The following BMP1 variants were observed in gnomAD, a reference collection of about 807,000 sequenced individuals.
The protein encoded by BMP1 is mammalian tolloid protein.
A neutral mutation model predicts 116.8 loss-of-function variants in BMP1; 63 were observed. The observed-to-expected ratio is 0.54, with a 90% CI of 0.44 to 0.67. The LOEUF (loss-of-function observed/expected upper bound fraction) is 0.67. BMP1 is among the 30% of genes least tolerant of loss of function. BMP1 has a pLI of 0.00. For synonymous variants in BMP1, 536 were observed against 533.4 expected, an observed-to-expected ratio of 1.00 and a Z score of -0.07; for missense variants, 1,183 against 1,358.9, an observed-to-expected ratio of 0.87 and a Z score of 2.04.
chr8:22,211,706 A>G lies in BMP1; in HGVS notation c.2939A>G (p.Asp980Gly), dbSNP rs149794757. 3 of 1,614,028 alleles carry G rather than the reference A, an allele frequency of 1.9e-6. No homozygotes were observed. In the African/African-American group the frequency reaches 4.0e-5, roughly 22 times the overall value. Reference protein sequence around the residue: ...HLRYTSTKFQDTLHSRK With the variant: ...HLRYTSTKFQGTLHSRK ...CGATACACCAGCACCAAGTTCCAGG[A>G]CACACTCCACAGCAGGAAGTGACCA... Residue 980 changes from aspartate to glycine, a missense_variant, in exon 20 of 20, where the codon GAC becomes GGC. By Grantham distance (94) the Asp-to-Gly change is moderately conservative. Coordinates refer to ENST00000306385, the MANE Select transcript of BMP1 (RefSeq NM_006129.5).
intron 15 of BMP1, chr8:22,201,381 A>T: frequency 6.9e-7 from 1 of 1,456,914 alleles, no homozygotes; most frequent in South Asian, 1.5e-5. Flanking sequence ...CGGACCGGGG[A>T]CCCTTCCCCG....
intron 9 of BMP1, among the ~76,000 whole-genome samples, chr8:22,193,656 T>C (rs1828996203): frequency 6.6e-6 from 1 of 152,168 alleles, no homozygotes; most frequent in Admixed American, 6.5e-5. Context: ...TGGTGGCAGA[T>C]GCCTGTAGCC....
chr8:22,167,236 AT>A (rs1189021451), intron 1 of BMP1, among the ~76,000 whole-genome samples: 2 of 152,172 alleles, frequency 1.3e-5, no homozygotes, highest in African/African-American at 4.8e-5. Flanking sequence ...AGGGCCTGGA[AT>A]GGATGTTGTG....
chr8:22,189,118 C>T (rs1043896247), intron 8 of BMP1, among the ~76,000 whole-genome samples: 8 of 152,198 alleles, frequency 5.3e-5, no homozygotes, highest in Non-Finnish European at 1.2e-4. Context: ...CTCCCCTTGA[C>T]CCTCCTCCGG....
At chr8:22,182,591 G>T (rs879671183) in intron 8 of BMP1, among the ~76,000 whole-genome samples, 8 of 152,174 alleles carry the variant, frequency 5.3e-5, no homozygotes, top group Non-Finnish European at 1.0e-4. Flanking sequence ...TCCACCCGTT[G>T]ACAAAACCCC....
intron 8 of BMP1, among the ~76,000 whole-genome samples, chr8:22,183,113 C>G (rs973318313): frequency 6.6e-6 from 1 of 150,506 alleles, no homozygotes; most frequent in African/African-American, 2.5e-5. Flanking sequence ...TGTTCTGAAT[C>G]TCACTTAAAA....
chr8:22,209,449 CG>C lies in BMP1; in HGVS notation c.2585del (p.Gly862AlafsTer7). ...GGCCCCTCTTGTCCCCTACAGAGTGCGGGGGCCAGGTACGGGCAGACGTGAA... is the reference window on the plus strand; with the variant it reads ...GGCCCCTCTTGTCCCCTACAGAGTGCGGGGCCAGGTACGGGCAGACGTGAA... Reference protein sequence around the residue: ...GFQASHATECGGQVRADVKTK... With the variant: ...GFQASHATECXGQVRADVKTK... On this transcript the variant is annotated frameshift_variant, in exon 19 of 20. Coordinates refer to ENST00000306385, the MANE Select transcript of BMP1 (RefSeq NM_006129.5). LOFTEE classifies it high-confidence loss of function. 1 of 1,614,024 alleles carries C rather than the reference CG, an allele frequency of 6.2e-7. No homozygotes were observed. Among genetic ancestry groups the C allele is most frequent in the Non-Finnish European group, 8.5e-7 (1 of 1,179,928 alleles).
chr8:22,196,154 T>C (rs763554214), intron 13 of BMP1: 2 of 512,580 alleles, frequency 3.9e-6, no homozygotes, highest in Admixed American at 4.1e-5. Flanking sequence ...CCATCTTGAC[T>C]TGCTAACTGA....
chr8:22,180,623 G>A, intron 8 of BMP1, 140 bp downstream of exon 8: 1 of 697,860 alleles, frequency 1.4e-6, no homozygotes, highest in Non-Finnish European at 2.4e-6. Flanking sequence ...GAGCGCTGAT[G>A]GAGCACGGCT....
rs368585884 is a variant in BMP1 at position 22,172,607 on chromosome 8, CTTT to C, written c.149-974_149-972del. 5.1e-3 allele frequency among the ~76,000 whole-genome samples: 492 copies of C among 97,302 alleles called. 5 individuals are homozygous for C. Among genetic ancestry groups the C allele is most frequent in the African/African-American group, 0.021 (461 of 21,876 alleles). The allele number at this position is 97,302 out of a possible 152,430, so 63.8% of individuals were successfully genotyped here. A position where few individuals can be genotyped will look rare whatever the true frequency, so the allele number is the denominator to read the frequency against. On this transcript the variant is annotated intron_variant, in intron 1 of 19. Coordinates refer to ENST00000306385, the MANE Select transcript of BMP1 (RefSeq NM_006129.5). ...GAAAAATGGTACAATTTTATTTCCT[CTTT>C]TTTTTTTTTTTTTTTTTTTTGAGAC...
intron 16 of BMP1, among the ~76,000 whole-genome samples, chr8:22,205,169 G>A (rs574631544): frequency 2.0e-5 from 3 of 152,304 alleles, no homozygotes; most frequent in East Asian, 1.9e-4. Flanking sequence ...GGAGGTAGGA[G>A]AGAGGTGGTC....
In BMP1 at chr8:22,212,022, T is replaced by C. The variant is rs536351457; in HGVS notation, c.*294T>C. On this transcript the variant is annotated 3_prime_UTR_variant, in exon 20 of 20. Coordinates refer to ENST00000306385, the MANE Select transcript of BMP1 (RefSeq NM_006129.5). ...GGCCCTGCCTGGTGGCAAGAGGGAATGTCAGCAGGACCCCATCGCCATCCC... is the reference window on the plus strand; with the variant it reads ...GGCCCTGCCTGGTGGCAAGAGGGAACGTCAGCAGGACCCCATCGCCATCCC... 3.3e-4 allele frequency: 151 copies of C among 462,752 alleles called. No individual in the cohort carries two copies. Among genetic ancestry groups the C allele is most frequent in the Middle Eastern group, 6.1e-4 (1 of 1,642 alleles). The allele number at this position is 462,752 out of a possible 1,614,324, so 28.7% of individuals were successfully genotyped here.
intron 18 of BMP1, among the ~76,000 whole-genome samples, chr8:22,208,231 T>C (rs1475313518): frequency 6.6e-6 from 1 of 152,204 alleles, no homozygotes; most frequent in African/African-American, 2.4e-5. Context: ...GGCGGCATCC[T>C]AAATGCAGGT....
rs1412488902 is a variant in BMP1 at position 22,197,294 on chromosome 8, C to A, written c.1981C>A (p.Leu661Met). The change falls in exon 15 of 20, where the codon CTG (leucine) becomes ATG (methionine). Residue 661 changes from leucine to methionine, a missense_variant. Leu to Met is a conservative substitution (Grantham distance 15, BLOSUM62 2). Coordinates refer to ENST00000306385, the MANE Select transcript of BMP1 (RefSeq NM_006129.5). ...CAGTGGACTCACAGCTGACTCCAAG[C>A]TGCATGGCAAGTTCTGTGGTTCTGA... ...VRSGLTADSK[L>M]HGKFCGSEKP... 1 of 1,614,002 alleles carries A rather than the reference C, an allele frequency of 6.2e-7. No individual in the cohort carries two copies.
chr8:22,204,985 G>T (rs1225149399), intron 16 of BMP1, among the ~76,000 whole-genome samples: 3 of 152,176 alleles, frequency 2.0e-5, no homozygotes. Context: ...TGGTGTGAGG[G>T]TTCCCACGCG....
intron 19 of BMP1, among the ~76,000 whole-genome samples, chr8:22,210,686 G>T (rs1464496522): frequency 6.6e-6 from 1 of 152,160 alleles, no homozygotes; most frequent in Non-Finnish European, 1.5e-5. Flanking sequence ...CGTGTGGCTG[G>T]CAGGGGCTGG....
At chr8:22,175,329 G>A (rs1391016077) in intron 2 of BMP1, among the ~76,000 whole-genome samples, 1 of 152,164 alleles carries the variant, frequency 6.6e-6, no homozygotes, top group Non-Finnish European at 1.5e-5. Flanking sequence ...AAATGTCAAG[G>A]TTTATTCAAT....
intron 16 of BMP1, 123 bp downstream of exon 16, chr8:22,202,051 C>T (rs937222518): frequency 2.7e-5 from 36 of 1,347,424 alleles, no homozygotes; most frequent in Non-Finnish European, 3.5e-5. Context: ...CTAAGGCCCC[C>T]TCATTCCCCC....
rs113056283 is a variant in BMP1 at position 22,196,933 on chromosome 8, C to T, written c.1926+93C>T. ...GCTTCCTGTCCTCTGAGAGGGGGCC[C>T]GGCAGAAACACTCTGCAAATATCGA... On this transcript the variant is annotated intron_variant, in intron 14 of 19. Coordinates refer to ENST00000306385, the MANE Select transcript of BMP1 (RefSeq NM_006129.5). 7,570 of 1,424,766 alleles carry T rather than the reference C, an allele frequency of 5.3e-3. 361 individuals carry two copies. In the African/African-American group the frequency reaches 0.095, roughly 18 times the overall value. 88.3% of individuals were successfully genotyped at this position (1,424,766 alleles called of 1,614,324 possible). A position where few individuals can be genotyped will look rare whatever the true frequency, so the allele number is the denominator to read the frequency against.
Sources: gnomAD v4.1 joint callset for allele counts (sites outside exome capture counted in the v4.1 genomes callset) on GRCh38, gnomAD v4.1.1 for gene constraint, MANE v1.5 for transcripts, NCBI Gene and HGNC (gene_info 2026-07-23, HGNC 2026-07-21) for gene names.